The following MEGF11 variants were observed in gnomAD, a reference collection of about 807,000 sequenced individuals.
MEGF11 encodes multiple EGF like domains 11.
In MEGF11, 126 loss-of-function variants were observed where a neutral mutation model predicts 146.6. The ratio of observed to expected loss-of-function variants is 0.86; its 90% CI spans 0.74 to 1.00. The LOEUF (loss-of-function observed/expected upper bound fraction) is 1.00, where lower values mean the gene tolerates loss of function less well. Among genes scored for constraint, MEGF11 ranks in the 50% least tolerant of loss-of-function variants. MEGF11 has a pLI of 0.00. For synonymous variants in MEGF11, 532 were observed against 583.4 expected (o/e 0.91, Z 1.27); for missense variants, 1,509 against 1,521.2 (o/e 0.99, Z 0.13).
chr15:66,010,434 CT>C (rs2082676510), intron 5 of MEGF11, among the ~76,000 whole-genome samples: 1 of 152,126 alleles, frequency 6.6e-6, no homozygotes, highest in Non-Finnish European at 1.5e-5. Flanking sequence ...CTCAAGTGAT[CT>C]ACCTGCCTTG....
rs1567213481 is a variant in MEGF11, at chr15:66,039,814, C to CAGCCTTCTCTCATCCCTACCT, written c.394+54587_394+54588insAGGTAGGGATGAGAGAAGGCT. Among the ~76,000 whole-genome samples the CAGCCTTCTCTCATCCCTACCT allele has an allele frequency of 2.5e-3, 203 of 80,244 alleles. 7 individuals carry two copies. Among genetic ancestry groups the CAGCCTTCTCTCATCCCTACCT allele is most frequent in the African/African-American group, 5.0e-3 (109 of 21,940 alleles). 52.6% of individuals were successfully genotyped at this position (80,244 alleles called of 152,430 possible). A position where few individuals can be genotyped will look rare whatever the true frequency, so the allele number is the denominator to read the frequency against. ...GGTCAGGCGGCGGTGGGGTGACGGT[C>CAGCCTTCTCTCATCCCTACCT]CTGAGCCGGGTCAGGCGGCGGTGGG... On this transcript the variant is annotated intron_variant, in intron 5 of 25. Transcript: ENST00000395614.
rs74796762 is a variant in MEGF11 at position 66,248,574 on chromosome 15, T to C, written c.-9+5031A>G. On this transcript the variant is annotated intron_variant, in intron 1 of 25. Coordinates refer to ENST00000395614, the MANE Select transcript of MEGF11 (RefSeq NM_001385028.1). ...AGGGGATATATTCCCTGAAGGCATC[T>C]TTCTTCCCTTTACTAAGCCTCACTG... Among the ~76,000 whole-genome samples, 996 of 152,346 alleles carry C rather than the reference T, an allele frequency of 6.5e-3. 9 individuals are homozygous for C. Among genetic ancestry groups the C allele is most frequent in the African/African-American group, 0.023 (949 of 41,582 alleles).
At chr15:66,056,199 T>G (rs2140379218) in intron 5 of MEGF11, among the ~76,000 whole-genome samples, 1 of 149,934 alleles carries the variant, frequency 6.7e-6, no homozygotes, top group African/African-American at 2.5e-5. Flanking sequence ...ACCCAATCCT[T>G]CCAATCACTG....
intron 4 of MEGF11, among the ~76,000 whole-genome samples, chr15:66,101,717 GCT>G (rs2086817273): frequency 6.6e-6 from 1 of 152,196 alleles, no homozygotes; most frequent in Admixed American, 6.5e-5. Context: ...TCTCATCAGG[GCT>G]CTAATTGTAC....
intron 1 of MEGF11, among the ~76,000 whole-genome samples, chr15:66,131,681 TCAGA>T (rs1396237724): frequency 6.6e-6 from 1 of 152,194 alleles, no homozygotes; most frequent in East Asian, 1.9e-4. Flanking sequence ...TAGAAATCTC[TCAGA>T]CAAAGATCTC....
chr15:66,128,262 C>T lies in MEGF11; in HGVS notation c.98+44G>A, dbSNP rs562160520. The T allele has an allele frequency of 4.9e-5, 64 of 1,312,654 alleles. No homozygotes were observed. In the South Asian group the frequency reaches 6.4e-4, roughly 13 times the overall value. The allele number at this position is 1,312,654 out of a possible 1,614,324, so 81.3% of individuals were successfully genotyped here. A position where few individuals can be genotyped will look rare whatever the true frequency, so the allele number is the denominator to read the frequency against. On this transcript the variant is annotated intron_variant, in intron 2 of 25. Coordinates refer to ENST00000395614, the MANE Select transcript of MEGF11 (RefSeq NM_001385028.1). ...CTGTCCCCTACTGCCATGCCCAGGG[C>T]GATCCCCCAGAGAGTGCCTGGCCAT... is the stretch of plus-strand genomic sequence containing the variant.
In MEGF11 at chr15:66,009,120, C is replaced by T. The variant is rs1330911479; in HGVS notation, c.395-26632G>A. On this transcript the variant is annotated intron_variant, in intron 5 of 25. Transcript: ENST00000395614. ...TTATGGTCTTAATTACTTGCATGTA[C>T]AAGATCTTGCAATCTGTGCCTGGGG... Among the ~76,000 whole-genome samples, 3 of 152,168 alleles carry T rather than the reference C, an allele frequency of 2.0e-5. No individual in the cohort carries two copies. In the East Asian group the frequency reaches 5.8e-4, roughly 29 times the overall value.
In MEGF11 at chr15:65,935,926, C is replaced by T. The variant is rs148510904; in HGVS notation, c.1288-4983G>A. On this transcript the variant is annotated intron_variant, in intron 10 of 25. Coordinates refer to ENST00000395614, the MANE Select transcript of MEGF11 (RefSeq NM_001385028.1). ...TGGCCAGTCTCCGGTGATTGATGTTCATAGCAAGCCAATCACGAGCCTATC... is the reference window on the plus strand; with the variant it reads ...TGGCCAGTCTCCGGTGATTGATGTTTATAGCAAGCCAATCACGAGCCTATC... Among the ~76,000 whole-genome samples, 1,031 of 152,296 alleles carry T rather than the reference C, an allele frequency of 6.8e-3. 5 individuals are homozygous for T. Among genetic ancestry groups the T allele is most frequent in the Non-Finnish European group, 0.01 (691 of 68,012 alleles).
intron 10 of MEGF11, among the ~76,000 whole-genome samples, chr15:65,942,634 A>T (rs1360353803): frequency 6.6e-6 from 1 of 151,960 alleles, no homozygotes; most frequent in Middle Eastern, 3.2e-3. Flanking sequence ...CCTTATTTAG[A>T]AGGAAGGAGC....
chr15:65,965,884 T>C lies in MEGF11; in HGVS notation c.900-764A>G, dbSNP rs2081077251. ...TTAACCACGTACAGTTCAGTGGCAT[T>C]AAGCACATTCGCACTGTTGTGCCAC... On this transcript the variant is annotated intron_variant, in intron 8 of 25. Transcript: ENST00000395614. 2.6e-5 allele frequency among the ~76,000 whole-genome samples: 4 copies of C among 152,168 alleles called. No homozygotes were observed. In the South Asian group the frequency reaches 8.3e-4, roughly 32 times the overall value.
At chr15:65,984,290 C>T (rs2081766380) in intron 5 of MEGF11, among the ~76,000 whole-genome samples, 1 of 151,938 alleles carries the variant, frequency 6.6e-6, no homozygotes, top group African/African-American at 2.4e-5. Flanking sequence ...CTTTGGGAGG[C>T]CAAGGTGGGT....
chr15:66,251,893 A>G (rs1001869806), intron 1 of MEGF11, among the ~76,000 whole-genome samples: 3 of 152,208 alleles, frequency 2.0e-5, no homozygotes, highest in Admixed American at 1.3e-4. Context: ...GAGCTGGTGC[A>G]TGGTGTGCAC....
intron 2 of MEGF11, among the ~76,000 whole-genome samples, chr15:66,126,207 C>T (rs375119575): frequency 6.6e-6 from 1 of 152,266 alleles, no homozygotes; most frequent in Admixed American, 6.5e-5. Flanking sequence ...CTCCAGGGAC[C>T]GGGGTGTGTT....
intron 1 of MEGF11, among the ~76,000 whole-genome samples, chr15:66,180,034 C>T (rs2090504891): frequency 6.6e-6 from 1 of 152,166 alleles, no homozygotes; most frequent in Non-Finnish European, 1.5e-5. Flanking sequence ...TCTATAAGCT[C>T]ATTGGTATCT....
intron 9 of MEGF11, 140 bp downstream of exon 9, chr15:65,964,768 G>T: frequency 1.3e-6 from 1 of 761,584 alleles, no homozygotes; most frequent in Non-Finnish European, 2.1e-6. Context: ...GGTTCTCAGG[G>T]CTCAGTGCTG....
At chr15:66,036,340 TCTG>T (rs1311693439) in intron 5 of MEGF11, among the ~76,000 whole-genome samples, 24 of 152,262 alleles carry the variant, frequency 1.6e-4, no homozygotes, top group African/African-American at 5.3e-4. Flanking sequence ...GCACACTGGT[TCTG>T]CCTTTGGGAA....
intron 1 of MEGF11, among the ~76,000 whole-genome samples, chr15:66,238,664 T>C (rs2092146497): frequency 6.6e-6 from 1 of 152,224 alleles, no homozygotes; most frequent in South Asian, 2.1e-4. Flanking sequence ...ACCCTGACTG[T>C]ACAGGTGAGA....
At chr15:65,934,387 A>G (rs1277377583) in intron 10 of MEGF11, among the ~76,000 whole-genome samples, 1 of 152,120 alleles carries the variant, frequency 6.6e-6, no homozygotes, top group Non-Finnish European at 1.5e-5. Context: ...GGTAGCTGGG[A>G]TTACAGGCAT....
At chr15:66,160,707 C>CACACACACACACACA (rs1555477714) in intron 1 of MEGF11, among the ~76,000 whole-genome samples, 19 of 88,232 alleles carry the variant, frequency 2.2e-4, no homozygotes, top group African/African-American at 5.7e-4. Flanking sequence ...ACACACACAC[C>CACACACACACACACA]CTTGCCCTAG....
Sources: gnomAD v4.1 joint callset for allele counts (sites outside exome capture counted in the v4.1 genomes callset) on GRCh38, gnomAD v4.1.1 for gene constraint, MANE v1.5 for transcripts, NCBI Gene and HGNC (gene_info 2026-07-23, HGNC 2026-07-21) for gene names.